The following MYO9A variants were observed in gnomAD, a reference collection of about 807,000 sequenced individuals.
MYO9A encodes the protein myosin IXA.
MYO9A carries 103 observed loss-of-function variants against 293.3 expected under a neutral mutation model. The ratio of observed to expected loss-of-function variants is 0.35; its 90% CI spans 0.30 to 0.41. The LOEUF (loss-of-function observed/expected upper bound fraction) is 0.41, where lower values mean the gene tolerates loss of function less well. Ranked by LOEUF, MYO9A falls within the 10% of genes least tolerant of loss-of-function variation. MYO9A has a pLI of 1.00. For synonymous variants in MYO9A, 1,001 were observed against 1,035.7 expected (o/e 0.97, Z 0.64); for missense variants, 2,685 against 3,033.0 (o/e 0.89, Z 2.69).
At chr15:72,038,171 C>T (rs2078114198) in intron 2 of MYO9A, among the ~76,000 whole-genome samples, 1 of 152,212 alleles carries the variant, frequency 6.6e-6, no homozygotes, top group South Asian at 2.1e-4. Flanking sequence ...GATCCACTCT[C>T]CTTGGCCTCC....
intron 2 of MYO9A, chr15:72,041,565 A>G (rs565478037): frequency 3.6e-4 from 122 of 338,398 alleles, no homozygotes; most frequent in African/African-American, 2.4e-3. Context: ...GAACATCATG[A>G]AGTCACTTTT....
chr15:71,952,978 T>C (rs1260512506), intron 14 of MYO9A, among the ~76,000 whole-genome samples: 2 of 152,196 alleles, frequency 1.3e-5, no homozygotes, highest in Non-Finnish European at 2.9e-5. Flanking sequence ...GGCAGCCATA[T>C]TTGGCAATGG....
At chr15:71,852,480 C>A (rs2055695347) in intron 35 of MYO9A, 2 of 305,308 alleles carry the variant, frequency 6.6e-6, no homozygotes, top group South Asian at 1.0e-4. Context: ...TCTCCTGCCT[C>A]AGCCTCCGGA....
chr15:72,097,523 TACTGCAATATTC>T (rs954774257), intron 1 of MYO9A, among the ~76,000 whole-genome samples: 81 of 152,368 alleles, frequency 5.3e-4, no homozygotes, highest in African/African-American at 1.9e-3. Flanking sequence ...TGACTTGCTC[TACTGCAATATTC>T]ACTTTATTAC....
intron 15 of MYO9A, among the ~76,000 whole-genome samples, chr15:71,944,794 A>G (rs2058869604): frequency 6.6e-6 from 1 of 152,156 alleles, no homozygotes; most frequent in Non-Finnish European, 1.5e-5. Flanking sequence ...TTCTGTTTAA[A>G]AATTGTTTTG....
intron 39 of MYO9A, among the ~76,000 whole-genome samples, chr15:71,848,164 G>A (rs1397818408): frequency 1.3e-5 from 2 of 151,428 alleles, no homozygotes; most frequent in African/African-American, 2.4e-5. Context: ...TGACTTCAGG[G>A]TAACATATAT....
chr15:71,947,283 G>GAAAAA (rs33945561), intron 15 of MYO9A, among the ~76,000 whole-genome samples: 6 of 127,878 alleles, frequency 4.7e-5, no homozygotes, highest in Admixed American at 8.1e-5. Context: ...TCCATCTCAG[G>GAAAAA]AAAAAAAAAA....
rs574940608 is a variant in MYO9A at position 71,931,954 on chromosome 15, C to T, written c.2562+1716G>A. Reference sequence around the variant, plus strand: ...CCAGGAAATTAGGATGTGCCAAGTTCCGTTAGTACCTCAAAAGTCTGGCCA... The same window carrying T: ...CCAGGAAATTAGGATGTGCCAAGTTTCGTTAGTACCTCAAAAGTCTGGCCA... On this transcript the variant is annotated intron_variant, in intron 18 of 41. Transcript: ENST00000356056. Among the ~76,000 whole-genome samples, 81 of 151,536 alleles carry T rather than the reference C, an allele frequency of 5.3e-4. 3 individuals are homozygous for T. In the South Asian group the frequency reaches 0.016, roughly 30 times the overall value.
At chr15:72,068,299 A>T (rs888658058) in intron 1 of MYO9A, among the ~76,000 whole-genome samples, 13 of 152,186 alleles carry the variant, frequency 8.5e-5, no homozygotes, top group South Asian at 4.1e-4. Flanking sequence ...TAATTTTTTT[A>T]AAAAAAGCTT....
rs1331111735 is a variant in MYO9A, at chr15:71,878,082, T to C, written c.5889A>G (p.Glu1963=). Residue 1963 remains glutamate, a synonymous_variant, in exon 31 of 42, where the codon GAA becomes GAG. Transcript: ENST00000356056. ...CTGAAGTCTTGAATTCATTCATATATTCATCTAAAAACACTTTAAAAGTGT... is the reference window on the plus strand; with the variant it reads ...CTGAAGTCTTGAATTCATTCATATACTCATCTAAAAACACTTTAAAAGTGT... ...WVNTFKVFLD[E]YMNEFKTSDC... The C allele has an allele frequency of 6.2e-7, 1 of 1,608,808 alleles. No homozygotes were observed. The highest frequency in any genetic ancestry group is 1.7e-5 in the Admixed American group (1 of 58,122).
At position 71,903,042 on chromosome 15, in the gene MYO9A, C is replaced by A; in HGVS notation, c.2899G>T (p.Val967Leu). ...SFQDFVSHFH[V>L]LLPRNIIPSK... ...GGAATAATATTTCGGGGAAGAAGTACATGGAAGTGGCTCACAAAATCCTGA... is the reference window on the plus strand; with the variant it reads ...GGAATAATATTTCGGGGAAGAAGTAAATGGAAGTGGCTCACAAAATCCTGA... The change falls in exon 22 of 42, where the codon GTA becomes TTA. Residue 967 changes from valine (V) to leucine (L), a missense_variant. Physicochemically the swap from Val to Leu is conservative, Grantham distance 32 (BLOSUM62 1). Around this residue, in one of 10 missense-constraint regions of MYO9A, gnomAD observed 1,434 missense variants for 1,497.7 expected, o/e 0.96. Transcript: ENST00000356056. The A allele has an allele frequency of 6.3e-7, 1 of 1,593,846 alleles. No homozygotes were observed. The highest frequency in any genetic ancestry group is 8.6e-7 in the Non-Finnish European group (1 of 1,167,632).
chr15:71,833,847 A>G (rs1272520973), intron 39 of MYO9A, among the ~76,000 whole-genome samples: 1 of 152,156 alleles, frequency 6.6e-6, no homozygotes, highest in Admixed American at 6.5e-5. Context: ...GAATGAAACA[A>G]TATAAAAACC....
intron 39 of MYO9A, 93 bp downstream of exon 39, chr15:71,848,752 A>G: frequency 7.3e-7 from 1 of 1,373,762 alleles, no homozygotes; most frequent in Non-Finnish European, 9.6e-7. Context: ...TATAAAAAAG[A>G]TTCTGATAAT....
chr15:72,006,646 T>C (rs1239622458), intron 8 of MYO9A, among the ~76,000 whole-genome samples: 1 of 152,132 alleles, frequency 6.6e-6, no homozygotes, highest in East Asian at 1.9e-4. Flanking sequence ...AAAAACCAAA[T>C]AGCATGAAGA....
At chr15:71,912,111 C>G (rs890209557) in intron 19 of MYO9A, among the ~76,000 whole-genome samples, 1 of 152,104 alleles carries the variant, frequency 6.6e-6, no homozygotes, top group African/African-American at 2.4e-5. Context: ...ATACCATGTT[C>G]TGTATAGTGT....
intron 6 of MYO9A, among the ~76,000 whole-genome samples, chr15:72,016,972 A>G (rs1250390752): frequency 6.7e-6 from 1 of 150,328 alleles, no homozygotes; most frequent in African/African-American, 2.4e-5. Flanking sequence ...TAAGCCAGCC[A>G]ATATTTATGT....
intron 1 of MYO9A, among the ~76,000 whole-genome samples, chr15:72,049,622 G>A (rs776585006): frequency 6.6e-5 from 10 of 152,218 alleles, no homozygotes; most frequent in Non-Finnish European, 1.2e-4. Context: ...TACTGCCTGG[G>A]CTCTGCCTCC....
chr15:71,936,999 A>C (rs1276962881), intron 16 of MYO9A, among the ~76,000 whole-genome samples: 2 of 141,990 alleles, frequency 1.4e-5, no homozygotes, highest in Non-Finnish European at 3.1e-5. Flanking sequence ...GAAGGAAGCA[A>C]GTGAGGGAAG....
intron 1 of MYO9A, among the ~76,000 whole-genome samples, chr15:72,115,263 C>T (rs1567057626): frequency 6.6e-6 from 1 of 152,182 alleles, no homozygotes; most frequent in Non-Finnish European, 1.5e-5. Context: ...GATTTTGCCT[C>T]CAAAATCTAC....
Sources: gnomAD v4.1 joint callset for allele counts (sites outside exome capture counted in the v4.1 genomes callset) on GRCh38, gnomAD v4.1.1 for gene constraint, gnomAD v4.1.1 regional missense constraint, MANE v1.5 for transcripts, NCBI Gene and HGNC (gene_info 2026-07-23, HGNC 2026-07-21) for gene names.